Variants in CPQ observed in about 807,000 individuals in gnomAD.
CPQ encodes Ser-Met dipeptidase.
In CPQ, 37 loss-of-function variants were observed where a neutral mutation model predicts 45.7. That is an observed-to-expected ratio of 0.81 (90% confidence interval 0.62 to 1.07). CPQ has a LOEUF of 1.07. Ranked by LOEUF, CPQ falls within the 50% of genes least tolerant of loss-of-function variation. The pLI is 0.00. For synonymous variants in CPQ, 186 were observed against 205.8 expected (o/e 0.90, Z 0.82); for missense variants, 537 against 572.9 (o/e 0.94, Z 0.64).
intron 5 of CPQ, among the ~76,000 whole-genome samples, chr8:97,014,787 C>A (rs1231713976): frequency 6.6e-6 from 1 of 151,968 alleles, no homozygotes; most frequent in African/African-American, 2.4e-5. Flanking sequence ...GTATAGATAA[C>A]TTCATAACTA....
At chr8:96,818,479 A>G (rs1242045425) in intron 2 of CPQ, among the ~76,000 whole-genome samples, 1 of 152,048 alleles carries the variant, frequency 6.6e-6, no homozygotes, top group Non-Finnish European at 1.5e-5. Context: ...AATGGTATGG[A>G]TAGACTTGCT....
intron 7 of CPQ, among the ~76,000 whole-genome samples, chr8:97,076,183 G>A (rs1190738325): frequency 6.6e-6 from 1 of 151,952 alleles, no homozygotes; most frequent in Non-Finnish European, 1.5e-5. Context: ...ACACCACCAT[G>A]CCAGGCTAAT....
Position 96,775,150 on chromosome 8 carries a change from G to T in CPQ, c.-34-9714G>T, listed in dbSNP as rs139232974. On this transcript the variant is annotated intron_variant, in intron 1 of 7. Coordinates refer to ENST00000220763, the MANE Select transcript of CPQ (RefSeq NM_016134.4). ...TCACGAGGCCTCCTCTGGCTGGAAG[G>T]TTGGCTGGAAGAGCGGGAAGAAAAT... Among the ~76,000 whole-genome samples, 727 of 152,186 alleles carry T rather than the reference G, an allele frequency of 4.8e-3. 11 individuals are homozygous for T. Among genetic ancestry groups the T allele is most frequent in the African/African-American group, 0.012 (514 of 41,520 alleles).
chr8:96,827,604 C>A (rs1425894225), intron 2 of CPQ, among the ~76,000 whole-genome samples: 2 of 152,036 alleles, frequency 1.3e-5, no homozygotes. Context: ...GTCCACAGCC[C>A]TTAAATAACT....
In CPQ at chr8:96,899,956, A is replaced by G. The variant is rs568989087; in HGVS notation, c.849+19951A>G. Among the ~76,000 whole-genome samples the G allele has an allele frequency of 1.8e-4, 27 of 152,076 alleles. No homozygotes were observed. The South Asian group carries it at 1.9e-3, about 11-fold the overall frequency. Reference sequence around the variant, plus strand: ...TAGGGACTTTGAGCCAATTCTTGGGAAAAAAAATAGATGATGTTGTCTTTG... The same window carrying G: ...TAGGGACTTTGAGCCAATTCTTGGGGAAAAAAATAGATGATGTTGTCTTTG... On this transcript the variant is annotated intron_variant, in intron 4 of 7. Coordinates refer to ENST00000220763, the MANE Select transcript of CPQ (RefSeq NM_016134.4).
intron 2 of CPQ, among the ~76,000 whole-genome samples, chr8:96,831,937 A>G (rs558013066): frequency 1.3e-5 from 2 of 152,324 alleles, no homozygotes; most frequent in East Asian, 3.9e-4. Context: ...GTCTAGTCAC[A>G]TTTCAAGTGG....
At chr8:97,139,938 T>A (rs1812128557) in intron 7 of CPQ, among the ~76,000 whole-genome samples, 2 of 151,558 alleles carry the variant, frequency 1.3e-5, no homozygotes, top group African/African-American at 4.8e-5. Context: ...ATAGAAAGTA[T>A]CCAAAAAATG....
At chr8:97,124,257 T>C (rs1372296420) in intron 7 of CPQ, among the ~76,000 whole-genome samples, 1 of 114,396 alleles carries the variant, frequency 8.7e-6, no homozygotes, top group Admixed American at 8.4e-5. Context: ...AAAAAGTAAA[T>C]TCATTCAATT....
chr8:97,143,327 T>C lies in CPQ; in HGVS notation c.*144T>C. ...TCATGCTTTCTGTTATTATCTTTCT[T>C]GATACTTTCCAAATTCTCTGATTCT... On this transcript the variant is annotated 3_prime_UTR_variant, in exon 8 of 8. Transcript: ENST00000220763. 1 of 758,926 alleles carries C rather than the reference T, an allele frequency of 1.3e-6. No individual in the cohort carries two copies. Among genetic ancestry groups the C allele is most frequent in the Non-Finnish European group, 2.1e-6 (1 of 485,630 alleles). The allele number at this position is 758,926 out of a possible 1,614,324, so 47.0% of individuals were successfully genotyped here.
chr8:97,091,431 A>G (rs947730355), intron 7 of CPQ, among the ~76,000 whole-genome samples: 1 of 152,198 alleles, frequency 6.6e-6, no homozygotes, highest in African/African-American at 2.4e-5. Flanking sequence ...GTTCATGAGG[A>G]GAACAGATGG....
intron 7 of CPQ, among the ~76,000 whole-genome samples, chr8:97,135,077 T>C (rs1397792373): frequency 6.6e-6 from 1 of 152,196 alleles, no homozygotes; most frequent in Non-Finnish European, 1.5e-5. Flanking sequence ...GGTGTTGGTG[T>C]TGACCTAAAC....
chr8:96,705,120 A>C (rs1489805609), intron 1 of CPQ, among the ~76,000 whole-genome samples: 4 of 152,196 alleles, frequency 2.6e-5, no homozygotes, highest in Admixed American at 6.6e-5. Context: ...AAAGCAGAAA[A>C]GTTTAAACTA....
chr8:96,750,200 T>A (rs1006951144), intron 1 of CPQ, among the ~76,000 whole-genome samples: 4 of 151,922 alleles, frequency 2.6e-5, no homozygotes, highest in African/African-American at 9.7e-5. Flanking sequence ...GAGAGATTTT[T>A]TTTAGTTTAC....
chr8:96,767,972 C>T (rs1248201111), intron 1 of CPQ, among the ~76,000 whole-genome samples: 1 of 151,966 alleles, frequency 6.6e-6, no homozygotes, highest in Non-Finnish European at 1.5e-5. Flanking sequence ...GTTCTTTCCT[C>T]CCTTCTCACC....
chr8:96,782,845 C>T (rs1377044832), intron 1 of CPQ, among the ~76,000 whole-genome samples: 2 of 152,202 alleles, frequency 1.3e-5, no homozygotes, highest in Non-Finnish European at 2.9e-5. Context: ...ATTCTGCCTT[C>T]TGTTAAAGCC....
At chr8:97,083,918 G>A (rs1211511569) in intron 7 of CPQ, among the ~76,000 whole-genome samples, 3 of 152,120 alleles carry the variant, frequency 2.0e-5, no homozygotes. Flanking sequence ...ACCTCTGTAA[G>A]CCTCACTTAT....
intron 1 of CPQ, among the ~76,000 whole-genome samples, chr8:96,658,501 C>T (rs545925842): frequency 3.9e-5 from 6 of 152,198 alleles, no homozygotes; most frequent in Non-Finnish European, 7.4e-5. Context: ...CCTACCACCC[C>T]CTACGGTGTC....
At chr8:96,792,645 T>C (rs1810864408) in intron 2 of CPQ, among the ~76,000 whole-genome samples, 3 of 152,176 alleles carry the variant, frequency 2.0e-5, no homozygotes, top group Admixed American at 1.3e-4. Flanking sequence ...ATTTCTATAT[T>C]CTCAACATCT....
intron 5 of CPQ, among the ~76,000 whole-genome samples, chr8:97,024,797 G>A (rs1809769947): frequency 6.6e-6 from 1 of 152,100 alleles, no homozygotes; most frequent in African/African-American, 2.4e-5. Context: ...GTTTATTGCA[G>A]GAATATAAAT....
Sources: allele counts gnomAD v4.1 joint callset (sites outside exome capture counted in the v4.1 genomes callset), GRCh38; gene constraint gnomAD v4.1.1; transcripts MANE v1.5; gene names NCBI Gene and HGNC (gene_info 2026-07-23, HGNC 2026-07-21).